The following HIPK2 variants were observed in gnomAD, a reference collection of about 807,000 sequenced individuals.
HIPK2 encodes the protein homeodomain-interacting protein kinase 2.
In HIPK2, 27 loss-of-function variants were observed where a neutral mutation model predicts 113.7. That is an observed-to-expected ratio of 0.24 (90% confidence interval 0.17 to 0.33). The LOEUF (loss-of-function observed/expected upper bound fraction) is 0.33. Ranked by LOEUF, HIPK2 falls within the 10% of genes least tolerant of loss-of-function variation. HIPK2 has a pLI of 1.00. For synonymous variants in HIPK2, 631 were observed against 642.2 expected (o/e 0.98, Z 0.26); for missense variants, 1,257 against 1,588.0 (o/e 0.79, Z 3.54).
At position 139,596,837 on chromosome 7, in the gene HIPK2, G is replaced by A; in HGVS notation, c.2597C>T (p.Thr866Ile). The A allele has an allele frequency of 6.2e-7, 1 of 1,613,992 alleles. No individual in the cohort carries two copies. The highest frequency in any genetic ancestry group is 1.1e-5 in the South Asian group (1 of 91,090). ...TCGWGDVASS[T>I]TRERQRQTIV... ...TGTCTGCCGCTGCCGTTCCCGGGTG[G>A]TGCTGGAGGCCACGTCGCCCCACCC... Residue 866 changes from threonine (T) to isoleucine (I), a missense_variant, in exon 12 of 15, where the codon ACC becomes ATC. This residue lies in a region of HIPK2 where 862 missense variants were observed against 1,004.3 expected (regional missense o/e 0.86). Transcript: ENST00000406875.
intron 2 of HIPK2, among the ~76,000 whole-genome samples, chr7:139,663,906 C>G (rs1414203321): frequency 6.6e-6 from 1 of 152,188 alleles, no homozygotes; most frequent in African/African-American, 2.4e-5. Flanking sequence ...TTCACCAGCT[C>G]TCAGAAATAT....
At chr7:139,597,718 T>C (rs1271689037) in intron 11 of HIPK2, among the ~76,000 whole-genome samples, 1 of 152,198 alleles carries the variant, frequency 6.6e-6, no homozygotes, top group Admixed American at 6.5e-5. Context: ...TGCAAGAGTT[T>C]TGAAAAAGCA....
At chr7:139,746,465 G>A (rs774424403) in intron 1 of HIPK2, among the ~76,000 whole-genome samples, 6 of 152,172 alleles carry the variant, frequency 3.9e-5, no homozygotes, top group Non-Finnish European at 8.8e-5. Context: ...GTTTAAGAGT[G>A]CTTGGAAAAG....
At chr7:139,761,811 T>C (rs998130057) in intron 1 of HIPK2, among the ~76,000 whole-genome samples, 1 of 152,158 alleles carries the variant, frequency 6.6e-6, no homozygotes, top group African/African-American at 2.4e-5. Flanking sequence ...AATACAAAGT[T>C]GGAGACTGTC....
chr7:139,647,140 TAAG>T (rs1177310487), intron 2 of HIPK2, among the ~76,000 whole-genome samples: 2 of 148,676 alleles, frequency 1.3e-5, no homozygotes, highest in Admixed American at 1.3e-4. Context: ...TTTTTTTAAA[TAAG>T]AATCATCTAT....
chr7:139,762,892 A>G (rs1453209658), intron 1 of HIPK2, among the ~76,000 whole-genome samples: 2 of 152,228 alleles, frequency 1.3e-5, no homozygotes, highest in Non-Finnish European at 2.9e-5. Flanking sequence ...AAAATTGTTA[A>G]GTGTCATGAA....
In HIPK2 at chr7:139,629,029, T is replaced by C. The variant is rs752153081; in HGVS notation, c.1358A>G (p.Asp453Gly). 8 of 1,588,844 alleles carry C rather than the reference T, an allele frequency of 5.0e-6. No homozygotes were observed. Among genetic ancestry groups the C allele is most frequent in the Non-Finnish European group, 6.9e-6 (8 of 1,165,560 alleles). The change falls in exon 5 of 15, where the codon GAC becomes GGC. Residue 453 changes from aspartate (D) to glycine (G), a missense_variant. By Grantham distance (94) the Asp-to-Gly change is moderately conservative (BLOSUM62 -1). This residue lies in a region of HIPK2 where 862 missense variants were observed against 1,004.3 expected (regional missense o/e 0.86). Coordinates refer to ENST00000406875, the MANE Select transcript of HIPK2 (RefSeq NM_022740.5). Reference sequence around the variant, plus strand: ...CTTAATCCCTGTCTCTGCTTCATGGTCATCTGGTGTCTGTCAAGAGAGGCA... The same window carrying C: ...CTTAATCCCTGTCTCTGCTTCATGGCCATCTGGTGTCTGTCAAGAGAGGCA... ...YPLWRLKTPD[D>G]HEAETGIKSK...
In HIPK2 at chr7:139,630,298, T is replaced by C. The variant is rs1800563233; in HGVS notation, c.1347+867A>G. Among the ~76,000 whole-genome samples the C allele has an allele frequency of 6.6e-6, 1 of 152,128 alleles. No individual in the cohort carries two copies. The highest frequency in any genetic ancestry group is 2.4e-5 in the African/African-American group (1 of 41,446). On this transcript the variant is annotated intron_variant, in intron 4 of 14. Transcript: ENST00000406875. This position sits in a 1 kb window ranked among gnomAD's most constrained non-coding sequence, Gnocchi z 4.0. ...CTCCCTGGGCCTTAGGATATTCCCA[T>C]GGGCTCACCAGGCAGCCTCCTTTGC...
Position 139,635,180 on chromosome 7 carries a change from C to T in HIPK2, c.1104-3455G>A, listed in dbSNP as rs111549203. On this transcript the variant is annotated intron_variant, in intron 2 of 14. Transcript: ENST00000406875. Reference sequence around the variant, plus strand: ...CAAGCACATTCTCACCTCTGTCCCCCGATTCTTGTCACCTGGCCTCTTGGC... The same window carrying T: ...CAAGCACATTCTCACCTCTGTCCCCTGATTCTTGTCACCTGGCCTCTTGGC... 4.8e-3 allele frequency among the ~76,000 whole-genome samples: 738 copies of T among 152,278 alleles called. 4 individuals are homozygous for T. Among genetic ancestry groups the T allele is most frequent in the African/African-American group, 0.016 (683 of 41,550 alleles).
At chr7:139,759,891 A>G (rs564395086) in intron 1 of HIPK2, among the ~76,000 whole-genome samples, 2 of 152,342 alleles carry the variant, frequency 1.3e-5, no homozygotes, top group East Asian at 3.9e-4. Context: ...TTCATTGTGT[A>G]TACTTCTCTA....
chr7:139,609,534 T>C (rs559665953), intron 9 of HIPK2, among the ~76,000 whole-genome samples: 1 of 152,246 alleles, frequency 6.6e-6, no homozygotes, highest in East Asian at 1.9e-4. Context: ...TTTGAATACA[T>C]TTATGTCAAA....
chr7:139,694,351 T>C (rs893241860), intron 2 of HIPK2, among the ~76,000 whole-genome samples: 2 of 152,192 alleles, frequency 1.3e-5, no homozygotes, highest in Admixed American at 6.5e-5. Context: ...AGCCCAGTGA[T>C]AGATACCCAT....
At chr7:139,655,989 T>A (rs1366126160) in intron 2 of HIPK2, among the ~76,000 whole-genome samples, 1 of 152,198 alleles carries the variant, frequency 6.6e-6, no homozygotes, top group Non-Finnish European at 1.5e-5. Flanking sequence ...TCCTCAGCCT[T>A]GCCTCTCTTT....
At position 139,667,957 on chromosome 7, in the gene HIPK2, G is replaced by T. The variant is rs58918712; in HGVS notation, c.1104-36232C>A. Among the ~76,000 whole-genome samples, 1,082 of 151,518 alleles carry T rather than the reference G, an allele frequency of 7.1e-3. 8 individuals are homozygous for T. The highest frequency in any genetic ancestry group is 0.049 in the East Asian group (248 of 5,090). Reference sequence around the variant, plus strand: ...AGCCTGACCAATATGATGAAACCCTGTCTCTACTAAAAATACAAAAATTAG... The same window carrying T: ...AGCCTGACCAATATGATGAAACCCTTTCTCTACTAAAAATACAAAAATTAG... On this transcript the variant is annotated intron_variant, in intron 2 of 14. Coordinates refer to ENST00000406875, the MANE Select transcript of HIPK2 (RefSeq NM_022740.5).
intron 2 of HIPK2, among the ~76,000 whole-genome samples, chr7:139,713,555 CTAAGGATGTGCTGCCTTT>C (rs1795132616): frequency 6.6e-6 from 1 of 152,230 alleles, no homozygotes; most frequent in Non-Finnish European, 1.5e-5. Flanking sequence ...AAGTTTCGCT[CTAAGGATGTGCTGCCTTT>C]TAAACAGAGT....
chr7:139,638,378 T>A (rs1800883465), intron 2 of HIPK2, among the ~76,000 whole-genome samples: 1 of 152,178 alleles, frequency 6.6e-6, no homozygotes, highest in Admixed American at 6.5e-5. Context: ...CACTGCCCAC[T>A]GTCTCTGTGC....
chr7:139,585,360 A>G (rs1480280990), intron 12 of HIPK2, among the ~76,000 whole-genome samples: 1 of 152,210 alleles, frequency 6.6e-6, no homozygotes, highest in Non-Finnish European at 1.5e-5. Flanking sequence ...CTGCTGAGCT[A>G]CAGAAGGCTG....
chr7:139,573,102 A>T lies in HIPK2; in HGVS notation c.3422T>A (p.Val1141Asp). 1 of 1,612,016 alleles carries T rather than the reference A, an allele frequency of 6.2e-7. No homozygotes were observed. Among genetic ancestry groups the T allele is most frequent in the South Asian group, 1.1e-5 (1 of 90,780 alleles). Residue 1141 changes from valine (V) to aspartate (D), a missense_variant, in exon 15 of 15, where the codon GTC becomes GAC. Transcript: ENST00000406875. ...VQHTAYPASI[V>D]HQVPVSMGPR... The stretch of plus-strand genomic sequence containing the variant: ...GCCCATGCTCACGGGGACCTGGTGG[A>T]CGATGCTGGCTGGGTAGGCAGTGTG...
chr7:139,729,839 T>C (rs2117023616), intron 1 of HIPK2, among the ~76,000 whole-genome samples: 1 of 152,322 alleles, frequency 6.6e-6, no homozygotes, highest in South Asian at 2.1e-4. Context: ...GTTTCAGCAG[T>C]ACCAGTTTTC....
Sources: gnomAD v4.1 joint callset for allele counts (sites outside exome capture counted in the v4.1 genomes callset) on GRCh38, gnomAD v4.1.1 for gene constraint, gnomAD v4.1.1 regional missense constraint, Gnocchi (gnomAD v3.1) non-coding constraint, MANE v1.5 for transcripts, NCBI Gene and HGNC (gene_info 2026-07-23, HGNC 2026-07-21) for gene names.